Variants in WWTR1 observed in about 807,000 individuals in gnomAD.
WWTR1 encodes WW domain containing transcription regulator 1.
Under a neutral mutation model 40.1 loss-of-function variants are expected in WWTR1, and 13 were observed. The ratio of observed to expected loss-of-function variants is 0.32; its 90% CI spans 0.21 to 0.52. The LOEUF (loss-of-function observed/expected upper bound fraction) is 0.52, where lower values mean the gene tolerates loss of function less well. Ranked by LOEUF, WWTR1 falls within the 20% of genes least tolerant of loss-of-function variation. The probability of loss-of-function intolerance (pLI) is 0.97; values close to 1 mark genes in which losing one functional copy is unlikely to be tolerated. For missense variants in WWTR1, 436 were observed against 523.1 expected (o/e 0.83, Z 1.63); for synonymous variants, 230 against 210.1 (o/e 1.09, Z -0.82).
Position 149,684,178 on chromosome 3 carries a change from A to AAT in WWTR1, c.-107-14289_-107-14288dup, listed in dbSNP as rs147768266. 1.2e-3 allele frequency among the ~76,000 whole-genome samples: 184 copies of AAT among 151,082 alleles called. 1 individual carries two copies. The highest frequency in any genetic ancestry group is 0.01 in the South Asian group (50 of 4,788). On this transcript the variant is annotated intron_variant, in intron 1 of 7. Coordinates refer to the WWTR1 transcript ENST00000465804. ...ATTTTTTAACATTTTTTATTTAGAA[A>AAT]ATATATATATATATAATCACATAAG...
chr3:149,677,104 C>A (rs541165562), intron 1 of WWTR1, among the ~76,000 whole-genome samples: 1 of 151,850 alleles, frequency 6.6e-6, no homozygotes, highest in Non-Finnish European at 1.5e-5. Flanking sequence ...TTAGGAGAGA[C>A]GGGGTGTCAC....
At chr3:149,550,199 C>A (rs7624541) in intron 3 of WWTR1, among the ~76,000 whole-genome samples, 94,912 of 151,974 alleles carry the variant, frequency 0.62, 31,232 homozygotes, top group East Asian at 0.96. Flanking sequence ...GGGGTATGTA[C>A]AAATGGACAC....
upstream of WWTR1, among the ~76,000 whole-genome samples, chr3:149,707,429 A>T (rs937294766): frequency 5.3e-5 from 8 of 152,214 alleles, no homozygotes; most frequent in South Asian, 2.1e-4. Flanking sequence ...CTATCTAACC[A>T]GTTTCTCCTC....
At chr3:149,545,958 T>C (rs929414332) in intron 3 of WWTR1, among the ~76,000 whole-genome samples, 5 of 152,244 alleles carry the variant, frequency 3.3e-5, no homozygotes, top group African/African-American at 7.2e-5. Context: ...AAATGCTGCA[T>C]TGGGCGTACT....
intron 2 of WWTR1, among the ~76,000 whole-genome samples, chr3:149,601,850 G>A (rs767038240): frequency 6.6e-6 from 1 of 152,144 alleles, no homozygotes; most frequent in Non-Finnish European, 1.5e-5. Context: ...CAGCAAGTAA[G>A]CAAGCCATGT....
intron 2 of WWTR1, among the ~76,000 whole-genome samples, chr3:149,664,409 A>G (rs2082835): frequency 0.62 from 94,323 of 152,084 alleles, 29,302 homozygotes; most frequent in Admixed American, 0.68. Flanking sequence ...CAAGTGTTTA[A>G]CACAGTGTCC....
chr3:149,610,141 A>C (rs1232511776), intron 2 of WWTR1, among the ~76,000 whole-genome samples: 1 of 152,246 alleles, frequency 6.6e-6, no homozygotes, highest in Non-Finnish European at 1.5e-5. Flanking sequence ...CTAACATCAA[A>C]TGCAAACTGC....
At chr3:149,564,953 G>A (rs1269945353) in intron 3 of WWTR1, among the ~76,000 whole-genome samples, 1 of 152,050 alleles carries the variant, frequency 6.6e-6, no homozygotes, top group African/African-American at 2.4e-5. Context: ...TTGGGAAGCT[G>A]AGGCAGGTGG....
intron 2 of WWTR1, among the ~76,000 whole-genome samples, chr3:149,614,595 T>C (rs551825844): frequency 1.3e-5 from 2 of 152,358 alleles, no homozygotes; most frequent in South Asian, 4.1e-4. Flanking sequence ...ATATAAATGT[T>C]TGATTCTACA....
chr3:149,715,451 G>C (rs77635279), intron 5 of WWTR1, among the ~76,000 whole-genome samples: 3,952 of 152,338 alleles, frequency 0.026, 117 homozygotes, highest in East Asian at 0.13. Context: ...ACTCGGAACT[G>C]CCTGCCCCCT....
chr3:149,666,330 G>A (rs1713817347), intron 2 of WWTR1, among the ~76,000 whole-genome samples: 1 of 152,326 alleles, frequency 6.6e-6, no homozygotes, highest in South Asian at 2.1e-4. Context: ...ACAAGGTGGA[G>A]AGAGGACCTG....
In WWTR1 at chr3:149,518,026, G is replaced by C. The variant is rs1442935473; in HGVS notation, c.*2779C>G. 2 of 151,980 alleles carry C rather than the reference G, an allele frequency of 1.3e-5. No individual in the cohort carries two copies. Among genetic ancestry groups the C allele is most frequent in the Non-Finnish European group, 2.9e-5 (2 of 67,990 alleles). The allele number at this position is 151,980 out of a possible 1,614,324, so 9.4% of individuals were successfully genotyped here. A position where few individuals can be genotyped will look rare whatever the true frequency, so the allele number is the denominator to read the frequency against. The stretch of plus-strand genomic sequence containing the variant: ...GCACCTTATCAAGAATTCTGCAGGG[G>C]TTTTAACACTTACAATAATAGGAAA... On this transcript the variant is annotated 3_prime_UTR_variant, in exon 7 of 7. Coordinates refer to ENST00000360632, the MANE Select transcript of WWTR1 (RefSeq NM_015472.6).
At chr3:149,553,054 C>T (rs1418951936) in intron 3 of WWTR1, among the ~76,000 whole-genome samples, 1 of 152,184 alleles carries the variant, frequency 6.6e-6, no homozygotes, top group Non-Finnish European at 1.5e-5. Flanking sequence ...TGCTCACATC[C>T]CCCTGAGATT....
At chr3:149,700,360 G>A (rs887197655) in intron 1 of WWTR1, among the ~76,000 whole-genome samples, 6 of 152,028 alleles carry the variant, frequency 3.9e-5, no homozygotes, top group Non-Finnish European at 8.8e-5. Context: ...CTGACAGGAA[G>A]GATCTATGTG....
chr3:149,600,551 T>C (rs1255858094), intron 2 of WWTR1, among the ~76,000 whole-genome samples: 1 of 152,096 alleles, frequency 6.6e-6, no homozygotes, highest in Admixed American at 6.6e-5. Context: ...AAAATAAAAT[T>C]GATAATAAGC....
intron 2 of WWTR1, among the ~76,000 whole-genome samples, chr3:149,620,562 G>GC (rs11391436): frequency 0.63 from 59,558 of 94,024 alleles, 14,154 homozygotes; most frequent in Middle Eastern, 0.69. Flanking sequence ...CTCCTCCACC[G>GC]CTCCCCCCCA....
At chr3:149,667,992 T>A in intron 2 of WWTR1, among the ~76,000 whole-genome samples, 1 of 152,226 alleles carries the variant, frequency 6.6e-6, no homozygotes, top group South Asian at 2.1e-4. Context: ...GTAACTGCTG[T>A]CTGTGAAAGT....
chr3:149,574,940 T>C (rs534930102), intron 2 of WWTR1, among the ~76,000 whole-genome samples: 42 of 151,650 alleles, frequency 2.8e-4, no homozygotes, highest in Non-Finnish European at 4.6e-4. Context: ...ATTAAAAATA[T>C]AAAAAGTAGC....
chr3:149,543,506 C>T (rs1004480121), intron 3 of WWTR1, among the ~76,000 whole-genome samples: 26 of 126,502 alleles, frequency 2.1e-4, no homozygotes, highest in African/African-American at 7.6e-4. Flanking sequence ...CGCTTGAACC[C>T]GGGAGGCGGA....
Sources: allele counts gnomAD v4.1 joint callset (sites outside exome capture counted in the v4.1 genomes callset), GRCh38; gene constraint gnomAD v4.1.1; transcripts MANE v1.5; gene names NCBI Gene and HGNC (gene_info 2026-07-23, HGNC 2026-07-21).